Variants in KIR3DL1 observed in about 807,000 individuals in gnomAD.
KIR3DL1 encodes the protein killer cell immunoglobulin like receptor, three Ig domains and long cytoplasmic tail 1, also known as killer cell immunoglobulin-like receptor 3DL1.
In KIR3DL1, 50 loss-of-function variants were observed where a neutral mutation model predicts 40.3. The observed-to-expected ratio is 1.24, with a 90% CI of 0.99 to 1.57. KIR3DL1 has a LOEUF of 1.57. Among genes scored for constraint, KIR3DL1 ranks in the 40% most tolerant of loss-of-function variants. The pLI is 0.00. For missense variants in KIR3DL1, 661 were observed against 559.9 expected (o/e 1.18, Z -1.82); for synonymous variants, 257 against 207.2 (o/e 1.24, Z -2.07).
chr19:54,825,562 C>G lies in KIR3DL1; in HGVS notation c.1000+484C>G, dbSNP rs1437998561. 7.3e-5 allele frequency among the ~76,000 whole-genome samples: 11 copies of G among 150,016 alleles called. 1 individual carries two copies. The highest frequency in any genetic ancestry group is 1.3e-4 in the Admixed American group (2 of 15,090). ...GCTCATGCACGCACACTTCGACTCA[C>G]TGACTCATTCAGCCACGGCCCCATG... On this transcript the variant is annotated intron_variant, in intron 6 of 8. Coordinates refer to ENST00000391728, the Ensembl canonical transcript of KIR3DL1.
Position 54,830,097 on chromosome 19 carries a change from A to G in KIR3DL1, c.1159-2A>G. 1 of 1,523,270 alleles carries G rather than the reference A, an allele frequency of 6.6e-7. No individual in the cohort carries two copies. Among genetic ancestry groups the G allele is most frequent in the Non-Finnish European group, 8.9e-7 (1 of 1,122,320 alleles). The allele number at this position is 1,523,270 out of a possible 1,614,324, so 94.4% of individuals were successfully genotyped here. ...CCTCACTCAGCATTTCCCTCTCTCC[A>G]GGACTCTGATGAACAAGACCCTGAG... On this transcript the variant is annotated splice_acceptor_variant, in intron 8 of 8. Coordinates refer to ENST00000391728, the Ensembl canonical transcript of KIR3DL1. LOFTEE classifies it high-confidence loss of function.
chr19:54,828,031 T>C (rs2061998840), intron 6 of KIR3DL1, among the ~76,000 whole-genome samples: 1 of 150,604 alleles, frequency 6.6e-6, no homozygotes, highest in South Asian at 2.1e-4. Flanking sequence ...TCCCCTTTCC[T>C]ACTAATTCAC....
At chr19:54,819,822 G>A in exon 4 of KIR3DL1, 8 of 1,612,010 alleles carry the variant, frequency 5.0e-6, no homozygotes, top group Non-Finnish European at 6.8e-6. Flanking sequence ...ACTTCTTTCT[G>A]CACAAAGAGG....
At chr19:54,820,735 A>G (rs674268) in intron 4 of KIR3DL1, among the ~76,000 whole-genome samples, 76,389 of 150,098 alleles carry the variant, frequency 0.51, 20,506 homozygotes, top group Non-Finnish European at 0.56. Flanking sequence ...AGAGGGCAGA[A>G]TGGAGAGAAT....
At chr19:54,826,907 C>A (rs201495596) in intron 6 of KIR3DL1, among the ~76,000 whole-genome samples, 10 of 150,844 alleles carry the variant, frequency 6.6e-5, no homozygotes, top group Non-Finnish European at 1.0e-4. Context: ...AACTAAGGAG[C>A]AACAAGGAGT....
chr19:54,828,424 C>G (rs2062022064), intron 6 of KIR3DL1, among the ~76,000 whole-genome samples: 1 of 151,170 alleles, frequency 6.6e-6, no homozygotes, highest in Admixed American at 6.6e-5. Flanking sequence ...GGAGACAGAA[C>G]ACACAGAGAA....
chr19:54,824,275 G>T lies in KIR3DL1; in HGVS notation c.950-753G>T, dbSNP rs1291406489. Among the ~76,000 whole-genome samples the T allele has an allele frequency of 6.6e-5, 10 of 151,512 alleles. No homozygotes were observed. In the East Asian group the frequency reaches 1.9e-3, roughly 29 times the overall value. On this transcript the variant is annotated intron_variant, in intron 5 of 8. Coordinates refer to ENST00000391728, the Ensembl canonical transcript of KIR3DL1. ...ATTTGATTTTTGTGTATGGTGACAG[G>T]TATAGATGCAGTTTTATTCCTCTGC...
At chr19:54,824,925 C>T (rs1218769407) in intron 5 of KIR3DL1, 103 bp from the exon 6 acceptor site, 5 of 982,004 alleles carry the variant, frequency 5.1e-6, no homozygotes, top group South Asian at 2.7e-5. Flanking sequence ...CAGGGTCCAA[C>T]ATTAGATAAC....
At chr19:54,828,184 G>C (rs1165814395) in intron 6 of KIR3DL1, among the ~76,000 whole-genome samples, 1 of 150,854 alleles carries the variant, frequency 6.6e-6, no homozygotes, top group Non-Finnish European at 1.5e-5. Flanking sequence ...ACTATTTTCT[G>C]GCTGTTTGAC....
intron 2 of KIR3DL1, 60 bp from the exon 3 acceptor site, chr19:54,818,255 C>T: frequency 6.5e-7 from 1 of 1,549,350 alleles, no homozygotes; most frequent in Non-Finnish European, 8.8e-7. Context: ...CTTCTGGGCA[C>T]TGGGAGTGAG....
intron 2 of KIR3DL1, 81 bp downstream of exon 2, chr19:54,817,650 G>T: frequency 3.4e-6 from 4 of 1,182,728 alleles, no homozygotes; most frequent in Admixed American, 1.9e-5. Flanking sequence ...TCCTGTCGGG[G>T]AGTCTCTCAT....
intron 4 of KIR3DL1, among the ~76,000 whole-genome samples, chr19:54,821,213 A>G (rs2148110781): frequency 6.6e-6 from 1 of 150,854 alleles, no homozygotes; most frequent in East Asian, 1.9e-4. Flanking sequence ...GTAGATAGAC[A>G]CAAAATAGAT....
intron 5 of KIR3DL1, among the ~76,000 whole-genome samples, chr19:54,824,689 A>G (rs112723167): frequency 0.016 from 2,150 of 135,488 alleles, 53 homozygotes; most frequent in African/African-American, 0.056. Flanking sequence ...CACACACAAA[A>G]AAAGCCATTG....
rs367940157 is a variant in KIR3DL1, at chr19:54,817,459, G to T, written c.35-75G>T. The T allele has an allele frequency of 1.8e-4, 225 of 1,237,042 alleles. 6 individuals are homozygous for T. In the African/African-American group the frequency reaches 3.2e-3, roughly 18 times the overall value. 76.6% of individuals were successfully genotyped at this position (1,237,042 alleles called of 1,614,324 possible). On this transcript the variant is annotated intron_variant, in intron 1 of 8. Transcript: ENST00000391728. ...CCAGCAAGGGCCTGGCTGCCAAGAC[G>T]CACAGCCCAGTGGGGGCAGCAGGGT...
At chr19:54,828,963 T>C (rs2062055795) in intron 6 of KIR3DL1, among the ~76,000 whole-genome samples, 1 of 140,408 alleles carries the variant, frequency 7.1e-6, no homozygotes, top group Non-Finnish European at 1.6e-5. Flanking sequence ...GCAATGGAGC[T>C]TCCAAGCTCT....
chr19:54,827,779 G>C (rs1351549398), intron 6 of KIR3DL1, among the ~76,000 whole-genome samples: 1 of 150,400 alleles, frequency 6.6e-6, no homozygotes, highest in South Asian at 2.1e-4. Flanking sequence ...TTGGCTTTCT[G>C]TGAGCATGAG....
At chr19:54,821,698 A>G (rs1215792679) in exon 5 of KIR3DL1, 2 of 1,609,506 alleles carry the variant, frequency 1.2e-6, no homozygotes, top group Non-Finnish European at 1.7e-6. Flanking sequence ...GAGCCCATGA[A>G]CGTAGGCTCC....
At chr19:54,822,489 A>T (rs2061689087) in intron 5 of KIR3DL1, among the ~76,000 whole-genome samples, 2 of 150,468 alleles carry the variant, frequency 1.3e-5, no homozygotes, top group South Asian at 4.3e-4. Flanking sequence ...TTAGCCGAGC[A>T]TGCTGGCATG....
At chr19:54,818,620 G>A in intron 3 of KIR3DL1, 21 bp downstream of exon 3, 2 of 1,599,086 alleles carry the variant, frequency 1.3e-6, no homozygotes, top group Non-Finnish European at 1.7e-6. Flanking sequence ...TTCCGTCTGG[G>A]CTTCTCACTG....
Sources: gnomAD v4.1 joint callset for allele counts (sites outside exome capture counted in the v4.1 genomes callset) on GRCh38, gnomAD v4.1.1 for gene constraint, MANE v1.5 for transcripts, NCBI Gene and HGNC (gene_info 2026-07-23, HGNC 2026-07-21) for gene names.